The following ZNF585B variants were observed in gnomAD, a reference collection of about 807,000 sequenced individuals.
ZNF585B encodes the protein zinc finger protein 41-like protein.
Under a neutral mutation model 14.0 loss-of-function variants are expected in ZNF585B, and 7 were observed. That is an observed-to-expected ratio of 0.50 (90% CI 0.28 to 0.94). The LOEUF (loss-of-function observed/expected upper bound fraction) is 0.94, where lower values mean the gene tolerates loss of function less well. Ranked by LOEUF, ZNF585B falls within the 40% of genes least tolerant of loss-of-function variation. ZNF585B has a pLI of 0.09. For synonymous variants in ZNF585B, 290 were observed against 317.3 expected (o/e 0.91, Z 0.91); for missense variants, 750 against 924.4 (o/e 0.81, Z 2.45).
intron 2 of ZNF585B, among the ~76,000 whole-genome samples, chr19:37,204,656 T>A (rs191013405): frequency 8.1e-4 from 124 of 152,150 alleles, no homozygotes; most frequent in African/African-American, 2.7e-3. Context: ...CTAGGTGTAA[T>A]CTCGAACTCT....
rs1972634697 is a variant in ZNF585B at position 37,210,440 on chromosome 19, C to A, written c.-144+1G>T. The A allele has an allele frequency of 6.6e-6, 1 of 152,270 alleles. No homozygotes were observed. Among genetic ancestry groups the A allele is most frequent in the Admixed American group, 6.5e-5 (1 of 15,280 alleles). The allele number at this position is 152,270 out of a possible 1,614,324, so 9.4% of individuals were successfully genotyped here. ...TCACAGAATCCCTAATTGCAACCAA[C>A]CAAAATCGTCACAGAGACCTCTCGG... On this transcript the variant is annotated splice_donor_variant, in intron 1 of 4. Transcript: ENST00000532828. LOFTEE classifies it low-confidence loss of function (5UTR_SPLICE).
rs1972348496 is a variant in ZNF585B, at chr19:37,187,185, A to G, written c.352T>C (p.Ser118Pro). ...CCAGAATAAATTTTTTGATCTTGAGAGGAAGCTGGTTTATAACCGATGATT... is the reference window on the plus strand; with the variant it reads ...CCAGAATAAATTTTTTGATCTTGAGGGGAAGCTGGTTTATAACCGATGATT... ...RKIIGYKPASSQDQKIYSGEK... is the reference protein window; with the variant it reads ...RKIIGYKPASPQDQKIYSGEK... Residue 118 changes from serine to proline, a missense_variant, in exon 5 of 5, where the codon TCT becomes CCT. Transcript: ENST00000532828. The G allele has an allele frequency of 1.2e-6, 2 of 1,613,254 alleles. No homozygotes were observed. The highest frequency in any genetic ancestry group is 1.7e-6 in the Non-Finnish European group (2 of 1,179,836).
At position 37,183,218 on chromosome 19, in the gene ZNF585B, T is replaced by C. The variant is rs1001226366; in HGVS notation, c.*2009A>G. On this transcript the variant is annotated 3_prime_UTR_variant, in exon 5 of 5. Coordinates refer to ENST00000532828, the MANE Select transcript of ZNF585B (RefSeq NM_152279.4). ...ATCAGACCAAAAGGTTCACAATGAC[T>C]TTTTAGCTTTAGGGTTGAGAAGGGA... 2.6e-5 allele frequency: 4 copies of C among 152,176 alleles called. No homozygotes were observed. Among genetic ancestry groups the C allele is most frequent in the African/African-American group, 9.7e-5 (4 of 41,436 alleles). 9.4% of individuals were successfully genotyped at this position (152,176 alleles called of 1,614,324 possible).
In ZNF585B at chr19:37,182,791, A is replaced by T. The variant is rs1030146357; in HGVS notation, c.*2436T>A. 2 of 152,378 alleles carry T rather than the reference A, an allele frequency of 1.3e-5. No individual in the cohort carries two copies. The highest frequency in any genetic ancestry group is 4.8e-5 in the African/African-American group (2 of 41,450). The allele number at this position is 152,378 out of a possible 1,614,324, so 9.4% of individuals were successfully genotyped here. A position where few individuals can be genotyped will look rare whatever the true frequency, so the allele number is the denominator to read the frequency against. ...GAAACCATCTTTGCAGAGCCCAAATAGTTCCCACTCCCAGAACTGCCAATA... is the reference window on the plus strand; with the variant it reads ...GAAACCATCTTTGCAGAGCCCAAATTGTTCCCACTCCCAGAACTGCCAATA... On this transcript the variant is annotated 3_prime_UTR_variant, in exon 5 of 5. Coordinates refer to ENST00000532828, the MANE Select transcript of ZNF585B (RefSeq NM_152279.4).
In ZNF585B at chr19:37,182,556, T is replaced by C. The variant is rs979872179; in HGVS notation, c.*2671A>G. The stretch of plus-strand genomic sequence containing the variant: ...TTGGTCTAAGATGTTGAGCAGCATG[T>C]GATGGGCCATCAGATACTGTGAAGA... On this transcript the variant is annotated 3_prime_UTR_variant, in exon 5 of 5. Coordinates refer to ENST00000532828, the MANE Select transcript of ZNF585B (RefSeq NM_152279.4). 1 of 152,280 alleles carries C rather than the reference T, an allele frequency of 6.6e-6. No homozygotes were observed. The highest frequency in any genetic ancestry group is 2.4e-5 in the African/African-American group (1 of 41,456). 9.4% of individuals were successfully genotyped at this position (152,280 alleles called of 1,614,324 possible). A position where few individuals can be genotyped will look rare whatever the true frequency, so the allele number is the denominator to read the frequency against.
chr19:37,184,482 A>AAG lies in ZNF585B; in HGVS notation c.*743_*744dup, dbSNP rs1362209152. 1 of 121,828 alleles carries AAG rather than the reference A, an allele frequency of 8.2e-6. No individual in the cohort carries two copies. The highest frequency in any genetic ancestry group is 3.4e-5 in the African/African-American group (1 of 29,118). The allele number at this position is 121,828 out of a possible 1,614,324, so 7.5% of individuals were successfully genotyped here. A position where few individuals can be genotyped will look rare whatever the true frequency, so the allele number is the denominator to read the frequency against. ...AAAGAAAGAAAGAAAGAAAGAAAGA[A>AAG]AGAAAGAAAGAAAGAAAGAAAGAGA... On this transcript the variant is annotated 3_prime_UTR_variant, in exon 5 of 5. Coordinates refer to ENST00000532828, the MANE Select transcript of ZNF585B (RefSeq NM_152279.4).
chr19:37,199,590 C>T lies in ZNF585B; in HGVS notation c.72+7450G>A, dbSNP rs575494321. 1.7e-4 allele frequency: 62 copies of T among 366,330 alleles called. 1 individual carries two copies. The highest frequency in any genetic ancestry group is 2.8e-4 in the Non-Finnish European group (52 of 183,948). The allele number at this position is 366,330 out of a possible 1,614,324, so 22.7% of individuals were successfully genotyped here. A position where few individuals can be genotyped will look rare whatever the true frequency, so the allele number is the denominator to read the frequency against. On this transcript the variant is annotated intron_variant, in intron 2 of 4. Coordinates refer to ENST00000532828, the MANE Select transcript of ZNF585B (RefSeq NM_152279.4). ...CTCACTCAAAGATAATACTAAGCATCGCCTAATGTACAAAGATACTATGAG... is the reference window on the plus strand; with the variant it reads ...CTCACTCAAAGATAATACTAAGCATTGCCTAATGTACAAAGATACTATGAG...
rs150776924 is a variant in ZNF585B, at chr19:37,209,100, A to C, written c.-144+1341T>G. 6.2e-4 allele frequency among the ~76,000 whole-genome samples: 94 copies of C among 152,150 alleles called. 2 individuals are homozygous for C. In the East Asian group the frequency reaches 9.9e-3, roughly 16 times the overall value. On this transcript the variant is annotated intron_variant, in intron 1 of 4. Transcript: ENST00000532828. ...ATAATGTCTTTTGAGCTATTTAGTCATATCTATTTTTTTATTTTTTTGAGA... is the reference window on the plus strand; with the variant it reads ...ATAATGTCTTTTGAGCTATTTAGTCCTATCTATTTTTTTATTTTTTTGAGA...
chr19:37,184,088 T>C lies in ZNF585B; in HGVS notation c.*1139A>G, dbSNP rs1972290819. The C allele has an allele frequency of 6.6e-6, 1 of 151,124 alleles. No individual in the cohort carries two copies. The highest frequency in any genetic ancestry group is 1.5e-5 in the Non-Finnish European group (1 of 67,836). 9.4% of individuals were successfully genotyped at this position (151,124 alleles called of 1,614,324 possible). A position where few individuals can be genotyped will look rare whatever the true frequency, so the allele number is the denominator to read the frequency against. ...AAACACTGTGCTGGGCCGGGCGCAGTGGCTCACGTCCGTAATCCCAGGACT... is the reference window on the plus strand; with the variant it reads ...AAACACTGTGCTGGGCCGGGCGCAGCGGCTCACGTCCGTAATCCCAGGACT... On this transcript the variant is annotated 3_prime_UTR_variant, in exon 5 of 5. Coordinates refer to ENST00000532828, the MANE Select transcript of ZNF585B (RefSeq NM_152279.4).
rs745888170 is a variant in ZNF585B at position 37,186,271 on chromosome 19, C to T, written c.1266G>A (p.Lys422=). The T allele has an allele frequency of 1.2e-6, 2 of 1,614,066 alleles. No homozygotes were observed. Among genetic ancestry groups the T allele is most frequent in the African/African-American group, 1.3e-5 (1 of 75,044 alleles). ...CMKCGLAFIR[K]AHLITHQIIH... ...TTATTTGATGTGTAATCAAGTGTGC[C>T]TTCCGGATGAAGGCCAGTCCACATT... is the stretch of plus-strand genomic sequence containing the variant. The change falls in exon 5 of 5, where the codon AAG becomes AAA. Residue 422 remains lysine (K), a synonymous_variant. Coordinates refer to ENST00000532828, the MANE Select transcript of ZNF585B (RefSeq NM_152279.4).
chr19:37,207,115 C>T lies in ZNF585B; in HGVS notation c.-4G>A. On this transcript the variant is annotated 5_prime_UTR_variant, in exon 2 of 5. Coordinates refer to ENST00000532828, the MANE Select transcript of ZNF585B (RefSeq NM_152279.4). ...GTGAGGTCCAACTAGCTGGCATGGCCACACTGGATCTCAACCCTTTTTGTC... is the reference window on the plus strand; with the variant it reads ...GTGAGGTCCAACTAGCTGGCATGGCTACACTGGATCTCAACCCTTTTTGTC... 1 of 1,614,112 alleles carries T rather than the reference C, an allele frequency of 6.2e-7. No individual in the cohort carries two copies. The highest frequency in any genetic ancestry group is 1.1e-5 in the South Asian group (1 of 91,088).
intron 2 of ZNF585B, among the ~76,000 whole-genome samples, chr19:37,205,831 C>G (rs946258321): frequency 6.6e-6 from 1 of 152,100 alleles, no homozygotes; most frequent in Non-Finnish European, 1.5e-5. Flanking sequence ...GTAATCCCAG[C>G]ACTTTGGGAG....
At chr19:37,197,076 A>G (rs1972474307) in intron 2 of ZNF585B, among the ~76,000 whole-genome samples, 1 of 152,048 alleles carries the variant, frequency 6.6e-6, no homozygotes, top group African/African-American at 2.4e-5. Context: ...GGTGTGCTGC[A>G]CCCATCAACT....
intron 1 of ZNF585B, among the ~76,000 whole-genome samples, chr19:37,209,145 C>T (rs991834652): frequency 1.3e-5 from 2 of 152,076 alleles, no homozygotes; most frequent in African/African-American, 2.4e-5. Context: ...ACTCTTGTCG[C>T]CCCGGCTGGA....
In ZNF585B at chr19:37,190,164, T is replaced by C; in HGVS notation, c.73-14A>G. ...GGACACTGATCCCTGTAAGGGCACA[T>C]TCCTGTTCAATGTGCATAGTCAGCT... is the stretch of plus-strand genomic sequence containing the variant. On this transcript the variant is annotated splice_polypyrimidine_tract_variant and intron_variant, in intron 2 of 4. Transcript: ENST00000532828. 1 of 1,614,164 alleles carries C rather than the reference T, an allele frequency of 6.2e-7. No homozygotes were observed. The highest frequency in any genetic ancestry group is 1.1e-5 in the South Asian group (1 of 91,074).
In ZNF585B at chr19:37,187,153, T is replaced by G. The variant is rs747108220; in HGVS notation, c.384A>C (p.Lys128Asn). 4 of 1,613,984 alleles carry G rather than the reference T, an allele frequency of 2.5e-6. No individual in the cohort carries two copies. The highest frequency in any genetic ancestry group is 4.5e-5 in the East Asian group (2 of 44,864). Residue 128 changes from lysine (K) to asparagine (N), a missense_variant, in exon 5 of 5, where the codon AAA (lysine) becomes AAC (asparagine). This residue lies in a region of ZNF585B where 517 missense variants were observed against 570.3 expected (regional missense o/e 0.91). Coordinates refer to ENST00000532828, the MANE Select transcript of ZNF585B (RefSeq NM_152279.4). ...SQDQKIYSGE[K>N]SYECAEFGKS... is the part of the protein sequence containing the mutation. Reference sequence around the variant, plus strand: ...TTCCAAATTCAGCACACTCATAGGATTTTTCCCCAGAATAAATTTTTTGAT... The same window carrying G: ...TTCCAAATTCAGCACACTCATAGGAGTTTTCCCCAGAATAAATTTTTTGAT...
chr19:37,190,620 C>T, intron 2 of ZNF585B: 1 of 159,722 alleles, frequency 6.3e-6, no homozygotes, highest in Non-Finnish European at 1.4e-5. Context: ...GGCTGGAGTG[C>T]AATGGCGTGA....
rs1972286024 is a variant in ZNF585B, at chr19:37,183,679, G to A, written c.*1548C>T. ...TGCAACGGGCACTGCAAATACAAAGGCCCTGAGTCAGGAACTGATGTTTGA... is the reference window on the plus strand; with the variant it reads ...TGCAACGGGCACTGCAAATACAAAGACCCTGAGTCAGGAACTGATGTTTGA... On this transcript the variant is annotated 3_prime_UTR_variant, in exon 5 of 5. Coordinates refer to ENST00000532828, the MANE Select transcript of ZNF585B (RefSeq NM_152279.4). The A allele has an allele frequency of 6.6e-6, 1 of 152,236 alleles. No homozygotes were observed. Among genetic ancestry groups the A allele is most frequent in the Non-Finnish European group, 1.5e-5 (1 of 68,040 alleles). The allele number at this position is 152,236 out of a possible 1,614,324, so 9.4% of individuals were successfully genotyped here.
At chr19:37,208,239 G>C (rs761620823) in intron 1 of ZNF585B, among the ~76,000 whole-genome samples, 1 of 152,118 alleles carries the variant, frequency 6.6e-6, no homozygotes, top group Admixed American at 6.5e-5. Context: ...CCAAAGTGCT[G>C]GGATTACAGG....
Sources: allele counts gnomAD v4.1 joint callset (sites outside exome capture counted in the v4.1 genomes callset), GRCh38; gene constraint gnomAD v4.1.1; regional missense constraint gnomAD v4.1.1; transcripts MANE v1.5; gene names NCBI Gene and HGNC (gene_info 2026-07-23, HGNC 2026-07-21).